The following DRC8 variants were observed in gnomAD, a reference collection of about 807,000 sequenced individuals.
DRC8 encodes dynein regulatory complex protein 8.
chr1:244,987,240 G>A, the DRC8 span, among the ~76,000 whole-genome samples: 3 of 149,986 alleles, frequency 2.0e-5, no homozygotes, highest in Admixed American at 6.7e-5. Context: ...TTGCTCTGTC[G>A]CTCTGGCTGG....
chr1:244,995,364 A>T, the DRC8 span, among the ~76,000 whole-genome samples: 1 of 151,662 alleles, frequency 6.6e-6, no homozygotes. Context: ...TCCATCTCAA[A>T]AAAAAAAAAG....
At chr1:245,051,989 A>G in the DRC8 span, among the ~76,000 whole-genome samples, 2 of 152,182 alleles carry the variant, frequency 1.3e-5, no homozygotes, top group Middle Eastern at 3.2e-3. Context: ...GCACCCAGTG[A>G]TCGTGCAGTT....
the DRC8 span, among the ~76,000 whole-genome samples, chr1:245,041,728 G>T: frequency 6.6e-6 from 1 of 152,228 alleles, no homozygotes; most frequent in East Asian, 1.9e-4. Flanking sequence ...TTAAAATGAG[G>T]CCATTGGGGT....
chr1:245,079,619 C>T, the DRC8 span, among the ~76,000 whole-genome samples: 103 of 152,212 alleles, frequency 6.8e-4, no homozygotes, highest in African/African-American at 1.9e-3. Context: ...AAACAAACCA[C>T]GGTTCGTAGC....
At chr1:245,096,758 T>A in the DRC8 span, among the ~76,000 whole-genome samples, 1 of 152,212 alleles carries the variant, frequency 6.6e-6, no homozygotes, top group Non-Finnish European at 1.5e-5. Flanking sequence ...TGTTCTAGAA[T>A]GAGATGGCTT....
At chr1:245,084,057 A>AC in the DRC8 span, among the ~76,000 whole-genome samples, 8 of 63,996 alleles carry the variant, frequency 1.3e-4, no homozygotes, top group African/African-American at 3.9e-4. Flanking sequence ...GAATATAAAA[A>AC]TTCCGCCCCC....
At chr1:245,039,824 G>A in the DRC8 span, among the ~76,000 whole-genome samples, 2 of 152,120 alleles carry the variant, frequency 1.3e-5, no homozygotes, top group African/African-American at 4.8e-5. Flanking sequence ...TATTTTTGGC[G>A]AGAATACTAC....
At chr1:245,022,041 A>G in the DRC8 span, among the ~76,000 whole-genome samples, 1 of 151,612 alleles carries the variant, frequency 6.6e-6, no homozygotes, top group Non-Finnish European at 1.5e-5. Context: ...TTCCTTTTTC[A>G]TTTCCTTGTT....
chr1:244,976,838 A>G, the DRC8 span, among the ~76,000 whole-genome samples: 22 of 152,368 alleles, frequency 1.4e-4, no homozygotes, highest in African/African-American at 3.8e-4. Flanking sequence ...ATATTTGCAC[A>G]ACCATGTTCA....
chr1:245,104,373 G>C, the DRC8 span, among the ~76,000 whole-genome samples: 3 of 151,828 alleles, frequency 2.0e-5, no homozygotes, highest in Admixed American at 1.3e-4. Context: ...GTGTGGTGGC[G>C]CATGCCTGTA....
At chr1:245,038,971 T>G in the DRC8 span, among the ~76,000 whole-genome samples, 1 of 151,128 alleles carries the variant, frequency 6.6e-6, no homozygotes, top group African/African-American at 2.4e-5. Context: ...CCTGATATTG[T>G]GTAAAAGTGG....
chr1:244,988,135 G>A, the DRC8 span, among the ~76,000 whole-genome samples: 1 of 152,094 alleles, frequency 6.6e-6, no homozygotes, highest in Non-Finnish European at 1.5e-5. Context: ...GAAATTGTTG[G>A]CTTTCATATA....
chr1:244,973,270 G>A, the DRC8 span, among the ~76,000 whole-genome samples: 2 of 152,172 alleles, frequency 1.3e-5, no homozygotes, highest in South Asian at 2.1e-4. Context: ...GCTTCGGGTA[G>A]TGTGAATTTG....
the DRC8 span, among the ~76,000 whole-genome samples, chr1:245,117,517 A>G: frequency 6.6e-6 from 1 of 151,802 alleles, no homozygotes; most frequent in Non-Finnish European, 1.5e-5. Flanking sequence ...TTCGCCTCCC[A>G]GGTTCAAGCG....
At chr1:245,014,031 C>CAAAAAAAAAAAAAAAAAAAAAAAAAAAAA in the DRC8 span, among the ~76,000 whole-genome samples, 1 of 93,142 alleles carries the variant, frequency 1.1e-5, no homozygotes, top group African/African-American at 4.4e-5. Context: ...GACTCCATCT[C>CAAAAAAAAAAAAAAAAAAAAAAAAAAAAA]AAAAAAAAAA....
chr1:245,017,116 TA>T, the DRC8 span: 1 of 862,418 alleles, frequency 1.2e-6, no homozygotes, highest in East Asian at 2.7e-5. Flanking sequence ...TGCTAAATGA[TA>T]CATAAATATA....
the DRC8 span, chr1:245,002,287 T>G: frequency 1.4e-6 from 2 of 1,429,462 alleles, no homozygotes. Flanking sequence ...TAACCATCTC[T>G]CTGCCTCCAG....
the DRC8 span, among the ~76,000 whole-genome samples, chr1:244,985,094 T>C: frequency 6.7e-6 from 1 of 148,380 alleles, no homozygotes; most frequent in East Asian, 2.0e-4. Context: ...TTTTTTTTTT[T>C]TTTTCTGATT....
chr1:244,972,613 G>C, the DRC8 span, among the ~76,000 whole-genome samples: 3 of 152,168 alleles, frequency 2.0e-5, no homozygotes, highest in Non-Finnish European at 2.9e-5. Flanking sequence ...GAGGTCAAGA[G>C]ATCGAGACCA....
Sources: gnomAD v4.1 joint callset for allele counts (sites outside exome capture counted in the v4.1 genomes callset) on GRCh38, gnomAD v4.1.1 for gene constraint, MANE v1.5 for transcripts, NCBI Gene and HGNC (gene_info 2026-07-23, HGNC 2026-07-21) for gene names.